MECOM: variants seen among roughly 807,000 people sequenced by gnomAD.
The protein encoded by MECOM is histone-lysine N-methyltransferase MECOM.
MECOM carries 13 observed loss-of-function variants against 116.3 expected under a neutral mutation model. The ratio of observed to expected loss-of-function variants is 0.11; its 90% CI spans 0.07 to 0.18. The LOEUF is 0.18. Ranked by LOEUF, MECOM falls within the 10% of genes least tolerant of loss-of-function variation. The pLI is 1.00. For synonymous variants in MECOM, 528 were observed against 535.2 expected (o/e 0.99, Z 0.19); for missense variants, 1,299 against 1,509.0 (o/e 0.86, Z 2.31).
chr3:169,303,436 G>GTGGA (rs1717120998), intron 2 of MECOM, among the ~76,000 whole-genome samples: 1 of 152,144 alleles, frequency 6.6e-6, no homozygotes, highest in South Asian at 2.1e-4. Flanking sequence ...TCATAAAACA[G>GTGGA]TGGAGGTGGA....
intron 2 of MECOM, among the ~76,000 whole-genome samples, chr3:169,375,987 A>G (rs1469771227): frequency 6.6e-6 from 1 of 152,178 alleles, no homozygotes; most frequent in East Asian, 1.9e-4. Flanking sequence ...CACTACGATC[A>G]AGTCGGCTTC....
chr3:169,572,837 G>A (rs953986274), intron 1 of MECOM, among the ~76,000 whole-genome samples: 1 of 152,086 alleles, frequency 6.6e-6, no homozygotes, highest in African/African-American at 2.4e-5. Flanking sequence ...GGGGGTTGGG[G>A]GACTAGGGGA....
intron 1 of MECOM, among the ~76,000 whole-genome samples, chr3:169,466,707 A>T (rs1046810954): frequency 3.3e-5 from 5 of 152,138 alleles, no homozygotes; most frequent in South Asian, 4.2e-4. Flanking sequence ...TGATTTGGGG[A>T]TGGGGAAAGT....
chr3:169,162,692 T>C (rs1390916220), intron 2 of MECOM, among the ~76,000 whole-genome samples: 2 of 152,196 alleles, frequency 1.3e-5, no homozygotes, highest in Non-Finnish European at 2.9e-5. Flanking sequence ...ATATAGATTG[T>C]AGTAGGTTAG....
intron 1 of MECOM, among the ~76,000 whole-genome samples, chr3:169,414,486 G>A (rs955244397): frequency 6.6e-6 from 1 of 152,152 alleles, no homozygotes; most frequent in Non-Finnish European, 1.5e-5. Flanking sequence ...TCCTCCAAAT[G>A]ATGGCAACTC....
intron 2 of MECOM, among the ~76,000 whole-genome samples, chr3:169,378,481 G>GAA (rs1731644164): frequency 5.0e-5 from 2 of 39,758 alleles, no homozygotes; most frequent in Admixed American, 3.2e-4. Context: ...AAGCAAGAAA[G>GAA]AGAGAGAGAA....
chr3:169,225,700 C>T (rs1332460481), intron 2 of MECOM, among the ~76,000 whole-genome samples: 1 of 152,204 alleles, frequency 6.6e-6, no homozygotes, highest in Admixed American at 6.5e-5. Flanking sequence ...ACCTGTGCCT[C>T]CTGGGTTCAA....
intron 2 of MECOM, among the ~76,000 whole-genome samples, chr3:169,199,446 C>T (rs903070702): frequency 1.3e-5 from 2 of 152,006 alleles, no homozygotes; most frequent in Non-Finnish European, 2.9e-5. Context: ...CAAGTTCTCA[C>T]CCTGTCGCCC....
chr3:169,281,308 G>A (rs1711943955), intron 2 of MECOM, among the ~76,000 whole-genome samples: 1 of 152,126 alleles, frequency 6.6e-6, no homozygotes, highest in African/African-American at 2.4e-5. Flanking sequence ...GCGGGACCCT[G>A]GTTAAGTCAC....
chr3:169,456,873 CAT>C (rs144401492), intron 1 of MECOM, among the ~76,000 whole-genome samples: 2,510 of 152,266 alleles, frequency 0.016, 79 homozygotes, highest in African/African-American at 0.057. Context: ...AGAACACACA[CAT>C]GTTCTCGCCG....
chr3:169,355,216 T>A (rs762963231), intron 2 of MECOM, among the ~76,000 whole-genome samples: 3 of 151,976 alleles, frequency 2.0e-5, no homozygotes, highest in Non-Finnish European at 2.9e-5. Context: ...TAATTTTGTT[T>A]GATTGTTTAG....
chr3:169,415,487 C>G (rs187551779), intron 1 of MECOM, among the ~76,000 whole-genome samples: 24 of 152,190 alleles, frequency 1.6e-4, no homozygotes, highest in African/African-American at 5.5e-4. Context: ...AATGGACAAA[C>G]TAACCAGCTA....
chr3:169,587,751 A>G (rs928659849), intron 1 of MECOM, among the ~76,000 whole-genome samples: 2 of 152,190 alleles, frequency 1.3e-5, no homozygotes, highest in Non-Finnish European at 2.9e-5. Flanking sequence ...GTTACATTGT[A>G]CACTGTCATA....
At chr3:169,416,868 A>G (rs1448737681) in intron 1 of MECOM, among the ~76,000 whole-genome samples, 2 of 152,202 alleles carry the variant, frequency 1.3e-5, no homozygotes, top group Non-Finnish European at 2.9e-5. Context: ...AGGATTCCCT[A>G]TTTAATAAAT....
intron 1 of MECOM, among the ~76,000 whole-genome samples, chr3:169,498,711 T>A (rs994579462): frequency 1.3e-5 from 2 of 152,006 alleles, no homozygotes; most frequent in African/African-American, 4.8e-5. Flanking sequence ...AAAAAATAAA[T>A]TTACACAAGA....
intron 2 of MECOM, among the ~76,000 whole-genome samples, chr3:169,213,900 T>C (rs1356443489): frequency 6.6e-6 from 1 of 152,108 alleles, no homozygotes; most frequent in Non-Finnish European, 1.5e-5. Flanking sequence ...GGGCTATATA[T>C]TATCTGAAAT....
At chr3:169,182,917 G>A (rs1746164077) in intron 2 of MECOM, among the ~76,000 whole-genome samples, 1 of 152,102 alleles carries the variant, frequency 6.6e-6, no homozygotes, top group Non-Finnish European at 1.5e-5. Context: ...AGAGCTTGTT[G>A]AGATTGAGCA....
At chr3:169,191,031 A>T (rs897010577) in intron 2 of MECOM, among the ~76,000 whole-genome samples, 1 of 151,972 alleles carries the variant, frequency 6.6e-6, no homozygotes, top group Non-Finnish European at 1.5e-5. Flanking sequence ...CAGGAGCAGG[A>T]CCAATTCCCA....
At chr3:169,131,325 A>T (rs1447852752) in intron 4 of MECOM, 104 bp downstream of exon 4, 5 of 1,008,820 alleles carry the variant, frequency 5.0e-6, no homozygotes, top group Non-Finnish European at 7.7e-6. Flanking sequence ...CTGACATTGA[A>T]AAGCCAGGGA....
Sources: allele counts gnomAD v4.1 joint callset (sites outside exome capture counted in the v4.1 genomes callset), GRCh38; gene constraint gnomAD v4.1.1; transcripts MANE v1.5; gene names NCBI Gene and HGNC (gene_info 2026-07-23, HGNC 2026-07-21).